Variants in ITGB6 observed in about 807,000 individuals in gnomAD.
The protein encoded by ITGB6 is integrin beta-6.
Under a neutral mutation model 84.5 loss-of-function variants are expected in ITGB6, and 80 were observed. That is an observed-to-expected ratio of 0.95 (90% CI 0.79 to 1.14). The LOEUF is 1.14. Among genes scored for constraint, ITGB6 ranks in the 50% most tolerant of loss-of-function variants. ITGB6 has a pLI of 0.00. For synonymous variants in ITGB6, 383 were observed against 354.9 expected, an observed-to-expected ratio of 1.08 and a Z score of -0.89; for missense variants, 1,006 against 968.0, an observed-to-expected ratio of 1.04 and a Z score of -0.52.
intron 4 of ITGB6, among the ~76,000 whole-genome samples, chr2:160,179,747 G>A (rs72994790): frequency 0.21 from 31,303 of 151,226 alleles, 7,179 homozygotes; most frequent in African/African-American, 0.55. Context: ...TGAACTCACT[G>A]TTGGTGTAAA....
chr2:160,156,781 A>G (rs1256538141), intron 7 of ITGB6, among the ~76,000 whole-genome samples: 1 of 152,178 alleles, frequency 6.6e-6, no homozygotes, highest in Non-Finnish European at 1.5e-5. Flanking sequence ...CTGAACCCAT[A>G]CACTCATATC....
chr2:160,144,607 G>A (rs1684122662), intron 7 of ITGB6, among the ~76,000 whole-genome samples: 1 of 152,138 alleles, frequency 6.6e-6, no homozygotes, highest in Non-Finnish European at 1.5e-5. Flanking sequence ...GGATTTCAAG[G>A]CTCTTAGCTT....
At chr2:160,114,385 C>A (rs1380166265) in intron 12 of ITGB6, among the ~76,000 whole-genome samples, 1 of 152,096 alleles carries the variant, frequency 6.6e-6, no homozygotes, top group Non-Finnish European at 1.5e-5. Flanking sequence ...CAGTGCTGCT[C>A]TAGAATAATA....
At chr2:160,169,413 C>A in intron 6 of ITGB6, 106 bp from the exon 7 acceptor site, 1 of 628,380 alleles carries the variant, frequency 1.6e-6, no homozygotes. Context: ...TTTCAATGCT[C>A]ACAGGCATTA....
In ITGB6 at chr2:160,107,788, A is replaced by C. The variant is rs1696968024; in HGVS notation, c.2159T>G (p.Leu720Arg). 1 of 1,614,038 alleles carries C rather than the reference A, an allele frequency of 6.2e-7. No individual in the cohort carries two copies. The highest frequency in any genetic ancestry group is 8.5e-7 in the Non-Finnish European group (1 of 1,179,896). The change falls in exon 14 of 15, where the codon CTT becomes CGT. Residue 720 changes from leucine to arginine, a missense_variant. By Grantham distance (102) the Leu-to-Arg change is moderately radical (BLOSUM62 -2). Coordinates refer to ENST00000283249, the MANE Select transcript of ITGB6 (RefSeq NM_000888.5). ...GCACAGTAGGACAACCCCGATGAGAAGAATAGCCAGGGAAACCCCTAACAT... is the reference window on the plus strand; with the variant it reads ...GCACAGTAGGACAACCCCGATGAGACGAATAGCCAGGGAAACCCCTAACAT... ...MIMLGVSLAI[L>R]LIGVVLLCIW...
chr2:160,133,818 C>G (rs1434480144), intron 10 of ITGB6, among the ~76,000 whole-genome samples: 1 of 152,060 alleles, frequency 6.6e-6, no homozygotes, highest in African/African-American at 2.4e-5. Flanking sequence ...GCGTACATAA[C>G]AAAATGAAGG....
At position 160,142,034 on chromosome 2, in the gene ITGB6, A is replaced by AGTCCTTATTCCTG; in HGVS notation, c.1054_1055insCAGGAATAAGGAC (p.Leu352ProfsTer22). 6.2e-7 allele frequency: 1 copy of AGTCCTTATTCCTG among 1,609,616 alleles called. No homozygotes were observed. Among genetic ancestry groups the AGTCCTTATTCCTG allele is most frequent in the African/African-American group, 1.3e-5 (1 of 74,868 alleles). ...AATGTTTCCGGAGTCCTTCTGAAGT[A>AGTCCTTATTCCTG]GACCTACTGTAGCTCCAGGAATAAG... On this transcript the variant is annotated frameshift_variant, in exon 8 of 15. Coordinates refer to ENST00000283249, the MANE Select transcript of ITGB6 (RefSeq NM_000888.5). LOFTEE classifies it high-confidence loss of function.
At chr2:160,132,283 A>C (rs906914918) in intron 10 of ITGB6, among the ~76,000 whole-genome samples, 1 of 152,142 alleles carries the variant, frequency 6.6e-6, no homozygotes, top group Non-Finnish European at 1.5e-5. Context: ...AAAGGGAGAG[A>C]AATGTGTCTC....
intron 7 of ITGB6, among the ~76,000 whole-genome samples, chr2:160,154,439 G>T (rs1323600846): frequency 6.6e-6 from 1 of 151,808 alleles, no homozygotes; most frequent in Non-Finnish European, 1.5e-5. Context: ...GTTATGGGGT[G>T]GGGGGCTGGG....
At chr2:160,153,715 C>G (rs977685469) in intron 7 of ITGB6, among the ~76,000 whole-genome samples, 4 of 152,026 alleles carry the variant, frequency 2.6e-5, no homozygotes, top group Non-Finnish European at 5.9e-5. Flanking sequence ...TATCCAGAAT[C>G]TACAAAGAAC....
chr2:160,129,961 C>A (rs1281481841), intron 10 of ITGB6, among the ~76,000 whole-genome samples: 1 of 152,068 alleles, frequency 6.6e-6, no homozygotes. Context: ...TACACACACA[C>A]ACAGTCATGT....
chr2:160,123,677 C>A lies in ITGB6; in HGVS notation c.1981+114G>T, dbSNP rs113304530. 2.6e-3 allele frequency: 1,892 copies of A among 719,580 alleles called. 28 individuals are homozygous for A. The African/African-American group carries it at 0.03, about 11-fold the overall frequency. The allele number at this position is 719,580 out of a possible 1,614,324, so 44.6% of individuals were successfully genotyped here. On this transcript the variant is annotated intron_variant, in intron 12 of 14. Transcript: ENST00000283249. ...AAAAATGAATGTGAGTGAGCTAATG[C>A]CCTGGTACAAATAAGGTCAAGCTAC... is the stretch of plus-strand genomic sequence containing the variant.
At chr2:160,179,853 T>A (rs1309118734) in intron 4 of ITGB6, among the ~76,000 whole-genome samples, 2 of 149,526 alleles carry the variant, frequency 1.3e-5, no homozygotes, top group African/African-American at 4.9e-5. Context: ...ATCCCAGCAC[T>A]TTGGGAGGCA....
At chr2:160,188,589 C>T (rs1050868954) in intron 4 of ITGB6, among the ~76,000 whole-genome samples, 6 of 151,588 alleles carry the variant, frequency 4.0e-5, no homozygotes, top group Non-Finnish European at 7.4e-5. Context: ...TGCTTTTAAT[C>T]GTTAACTCAT....
intron 10 of ITGB6, among the ~76,000 whole-genome samples, chr2:160,133,774 T>C (rs544237599): frequency 6.2e-4 from 94 of 152,224 alleles, no homozygotes; most frequent in African/African-American, 2.2e-3. Context: ...CTCAACTACA[T>C]GGAACCTGAA....
intron 6 of ITGB6, among the ~76,000 whole-genome samples, chr2:160,170,848 T>G (rs1002027180): frequency 6.6e-6 from 1 of 152,212 alleles, no homozygotes; most frequent in Non-Finnish European, 1.5e-5. Flanking sequence ...TAGTGTTAGC[T>G]TTTATGAACC....
At chr2:160,199,360 G>C (rs1399154633) in intron 1 of ITGB6, 102 bp from the exon 2 acceptor site, 1 of 805,038 alleles carries the variant, frequency 1.2e-6, no homozygotes, top group Non-Finnish European at 2.1e-6. Flanking sequence ...CAACATCAAA[G>C]TTTAGTTTAG....
At chr2:160,171,495 C>A (rs991888338) in intron 6 of ITGB6, among the ~76,000 whole-genome samples, 1 of 152,016 alleles carries the variant, frequency 6.6e-6, no homozygotes, top group Non-Finnish European at 1.5e-5. Context: ...CCACCACGCC[C>A]GGCTAAATTT....
intron 12 of ITGB6, among the ~76,000 whole-genome samples, chr2:160,118,208 C>T (rs1267358953): frequency 6.6e-6 from 1 of 151,904 alleles, no homozygotes; most frequent in Non-Finnish European, 1.5e-5. Context: ...AGAGAAACAA[C>T]AAAAAAAGAG....
Sources: gnomAD v4.1 joint callset for allele counts (sites outside exome capture counted in the v4.1 genomes callset) on GRCh38, gnomAD v4.1.1 for gene constraint, MANE v1.5 for transcripts, NCBI Gene and HGNC (gene_info 2026-07-23, HGNC 2026-07-21) for gene names.